LSM3: variants seen among roughly 807,000 people sequenced by gnomAD.
The protein encoded by LSM3 is LSM3 homolog, U6 small nuclear RNA and mRNA degradation associated.
Under a neutral mutation model 15.4 loss-of-function variants are expected in LSM3, and 14 were observed. That is an observed-to-expected ratio of 0.91 (90% confidence interval 0.60 to 1.42). The LOEUF (loss-of-function observed/expected upper bound fraction) is 1.42, where lower values mean the gene tolerates loss of function less well. Ranked by LOEUF, LSM3 falls within the 40% of genes most tolerant of loss-of-function variation. The pLI, the probability that LSM3 is intolerant of heterozygous loss-of-function variation, is 0.00. For synonymous variants in LSM3, 46 were observed against 45.1 expected, an observed-to-expected ratio of 1.02 and a Z score of -0.08; for missense variants, 88 against 127.9, an observed-to-expected ratio of 0.69 and a Z score of 1.50.
intron 1 of LSM3, among the ~76,000 whole-genome samples, chr3:14,180,272 T>C (rs1428362611): frequency 6.6e-6 from 1 of 152,116 alleles, no homozygotes; most frequent in East Asian, 1.9e-4. Context: ...AGGAATCTTT[T>C]CTTTTCCTTT....
intron 3 of LSM3, among the ~76,000 whole-genome samples, chr3:14,196,259 T>A (rs1179896661): frequency 2.0e-5 from 3 of 151,810 alleles, no homozygotes; most frequent in Non-Finnish European, 2.9e-5. Flanking sequence ...CCTGGCCGAG[T>A]TTTGTGAGTT....
At chr3:14,184,107 G>T in intron 3 of LSM3, 75 bp downstream of exon 3, 1 of 1,479,292 alleles carries the variant, frequency 6.8e-7, no homozygotes, top group Non-Finnish European at 9.0e-7. Flanking sequence ...CCATATTTAT[G>T]GGAAGCCTGT....
At chr3:14,186,612 TA>T (rs1322346655) in intron 3 of LSM3, among the ~76,000 whole-genome samples, 2 of 152,248 alleles carry the variant, frequency 1.3e-5, no homozygotes, top group African/African-American at 4.8e-5. Flanking sequence ...TTAAAATTTT[TA>T]CTTATTTATT....
At chr3:14,188,548 CACTATTACTGGTTTCTTGAGA>C (rs947028768) in intron 3 of LSM3, among the ~76,000 whole-genome samples, 1 of 152,196 alleles carries the variant, frequency 6.6e-6, no homozygotes, top group African/African-American at 2.4e-5. Context: ...CAGACATAAG[CACTATTACTGGTTTCTTGAGA>C]ATCTTCTCGT....
In LSM3 at chr3:14,184,049, T is replaced by C. The variant is rs973338278; in HGVS notation, c.228+17T>C. On this transcript the variant is annotated intron_variant, in intron 3 of 3. Transcript: ENST00000306024. ...ATATATAAAGTAAGTCATGCAATTC[T>C]ATTCATTGCTTTGCAAATATCAGCT... is the stretch of plus-strand genomic sequence containing the variant. The C allele has an allele frequency of 6.5e-5, 104 of 1,595,134 alleles. No homozygotes were observed. The highest frequency in any genetic ancestry group is 8.9e-5 in the Non-Finnish European group (104 of 1,173,938).
Sources: gnomAD v4.1 joint callset for allele counts (sites outside exome capture counted in the v4.1 genomes callset) on GRCh38, gnomAD v4.1.1 for gene constraint, MANE v1.5 for transcripts, NCBI Gene and HGNC (gene_info 2026-07-23, HGNC 2026-07-21) for gene names.